EYS: variants seen among roughly 807,000 people sequenced by gnomAD.
EYS encodes the protein EGF-like photoreceptor maintenance factor.
A neutral mutation model predicts 282.1 loss-of-function variants in EYS; 250 were observed. That is an observed-to-expected ratio of 0.89 (90% CI 0.80 to 0.98). EYS has a LOEUF of 0.98. Among genes scored for constraint, EYS ranks in the 50% least tolerant of loss-of-function variants. The pLI, the probability that EYS is intolerant of heterozygous loss-of-function variation, is 0.00. For synonymous variants in EYS, 1,355 were observed against 1,282.9 expected, an observed-to-expected ratio of 1.06 and a Z score of -1.20; for missense variants, 4,016 against 3,709.0, an observed-to-expected ratio of 1.08 and a Z score of -2.15.
At chr6:64,989,404 T>TTC (rs1770973911) in intron 14 of EYS, among the ~76,000 whole-genome samples, 1 of 123,642 alleles carries the variant, frequency 8.1e-6, no homozygotes, top group African/African-American at 3.4e-5. Context: ...AATATATATA[T>TTC]ATATATATAT....
At chr6:65,283,422 T>C (rs1390647579) in intron 12 of EYS, among the ~76,000 whole-genome samples, 3 of 152,050 alleles carry the variant, frequency 2.0e-5, no homozygotes, top group Non-Finnish European at 4.4e-5. Context: ...TTTGTTAGCA[T>C]TTAGTAGCAA....
chr6:65,226,327 G>C (rs1269661960), intron 12 of EYS, among the ~76,000 whole-genome samples: 1 of 151,292 alleles, frequency 6.6e-6, no homozygotes, highest in Non-Finnish European at 1.5e-5. Flanking sequence ...TAACCAAGAA[G>C]GTGTAAGGCT....
At chr6:64,713,267 C>T (rs1217562440) in intron 22 of EYS, 1 of 152,122 alleles carries the variant, frequency 6.6e-6, no homozygotes, top group Non-Finnish European at 1.5e-5. Context: ...AGGGAAAATA[C>T]TTACTTTGAA....
chr6:64,094,798 T>G (rs1367416101), intron 31 of EYS, among the ~76,000 whole-genome samples: 3 of 152,166 alleles, frequency 2.0e-5, no homozygotes, highest in Non-Finnish European at 4.4e-5. Flanking sequence ...TCTGCTAGCT[T>G]TTGAATGTGT....
chr6:65,431,802 T>C (rs1211429082), intron 5 of EYS, among the ~76,000 whole-genome samples: 1 of 152,172 alleles, frequency 6.6e-6, no homozygotes, highest in Non-Finnish European at 1.5e-5. Context: ...ATTTTAGTTA[T>C]AATGTTTATT....
In EYS at chr6:63,986,450, C is replaced by T. The variant is rs138047115; in HGVS notation, c.6835-1847G>A. Reference sequence around the variant, plus strand: ...TATACCCAAAGGAATATCAGTCATTCTACCATAAAGACACACGCACCTGAA... The same window carrying T: ...TATACCCAAAGGAATATCAGTCATTTTACCATAAAGACACACGCACCTGAA... On this transcript the variant is annotated intron_variant, in intron 34 of 42. Coordinates refer to ENST00000503581, the MANE Select transcript of EYS (RefSeq NM_001142800.2). Among the ~76,000 whole-genome samples the T allele has an allele frequency of 1.6e-3, 246 of 151,920 alleles. 2 individuals are homozygous for T. The East Asian group carries it at 0.036, about 22-fold the overall frequency.
intron 2 of EYS, among the ~76,000 whole-genome samples, chr6:65,637,929 C>T (rs6911669): frequency 0.82 from 125,171 of 152,130 alleles, 51,582 homozygotes; most frequent in East Asian, 0.85. Flanking sequence ...GACAGGCCCT[C>T]GGGTGGAAAG....
At chr6:63,825,677 C>A (rs1435469974) in intron 36 of EYS, among the ~76,000 whole-genome samples, 1 of 152,204 alleles carries the variant, frequency 6.6e-6, no homozygotes, top group Non-Finnish European at 1.5e-5. Flanking sequence ...CAGGAAGCCA[C>A]ATCCACAGGA....
intron 36 of EYS, among the ~76,000 whole-genome samples, chr6:63,835,350 C>T (rs189521618): frequency 1.3e-3 from 182 of 144,708 alleles, no homozygotes; most frequent in East Asian, 2.4e-3. Context: ...TATATATATA[C>T]ACACACACAC....
At chr6:64,178,198 G>A (rs1764691291) in intron 31 of EYS, among the ~76,000 whole-genome samples, 1 of 152,040 alleles carries the variant, frequency 6.6e-6, no homozygotes, top group Non-Finnish European at 1.5e-5. Context: ...ATCTAATTTA[G>A]TTTTCCAGTT....
intron 30 of EYS, among the ~76,000 whole-genome samples, chr6:64,254,541 CT>C (rs1257833404): frequency 6.6e-6 from 1 of 152,014 alleles, no homozygotes; most frequent in Non-Finnish European, 1.5e-5. Context: ...AATATTCATT[CT>C]TGTCAGTCCC....
At chr6:64,154,074 TATA>T (rs1180330970) in intron 31 of EYS, among the ~76,000 whole-genome samples, 2 of 152,218 alleles carry the variant, frequency 1.3e-5, no homozygotes, top group Non-Finnish European at 2.9e-5. Context: ...GTTGAAATAG[TATA>T]ATAACTTATA....
chr6:65,259,567 T>C (rs74797972), intron 12 of EYS, among the ~76,000 whole-genome samples: 1 of 152,250 alleles, frequency 6.6e-6, no homozygotes, highest in East Asian at 1.9e-4. Flanking sequence ...ATTAAATAGA[T>C]GAAATGTTGT....
At chr6:64,578,934 C>T (rs1378418633) in intron 26 of EYS, among the ~76,000 whole-genome samples, 1 of 152,068 alleles carries the variant, frequency 6.6e-6, no homozygotes, top group Non-Finnish European at 1.5e-5. Flanking sequence ...AAAGTGACAA[C>T]TTGTCATACT....
intron 35 of EYS, among the ~76,000 whole-genome samples, chr6:63,943,186 C>G (rs535969359): frequency 6.6e-6 from 1 of 152,216 alleles, no homozygotes; most frequent in African/African-American, 2.4e-5. Context: ...AACCAAAAGT[C>G]TGGATGTATT....
intron 11 of EYS, among the ~76,000 whole-genome samples, chr6:65,311,113 C>T (rs1433183964): frequency 2.6e-5 from 4 of 152,034 alleles, no homozygotes; most frequent in African/African-American, 9.7e-5. Context: ...ATAAATACTA[C>T]ACTTGATCTT....
chr6:63,992,030 C>T (rs1399161408), intron 34 of EYS, among the ~76,000 whole-genome samples: 2 of 151,786 alleles, frequency 1.3e-5, no homozygotes, highest in African/African-American at 4.8e-5. Context: ...GACATAAAGA[C>T]TTTCCCCATA....
intron 26 of EYS, among the ~76,000 whole-genome samples, chr6:64,481,092 T>G (rs1776422742): frequency 6.6e-6 from 1 of 151,312 alleles, no homozygotes; most frequent in Admixed American, 6.6e-5. Context: ...CTTATTTTGG[T>G]TCTGAATGTA....
chr6:65,553,079 C>A (rs1768659304), intron 2 of EYS, among the ~76,000 whole-genome samples: 1 of 152,120 alleles, frequency 6.6e-6, no homozygotes, highest in Admixed American at 6.6e-5. Flanking sequence ...CAGATTAATT[C>A]ATTGTTTTTA....
Sources: allele counts gnomAD v4.1 joint callset (sites outside exome capture counted in the v4.1 genomes callset), GRCh38; gene constraint gnomAD v4.1.1; transcripts MANE v1.5; gene names NCBI Gene and HGNC (gene_info 2026-07-23, HGNC 2026-07-21).